The following ETF1 variants were observed in gnomAD, a reference collection of about 807,000 sequenced individuals.
ETF1 encodes the protein eukaryotic peptide chain release factor subunit 1.
Under a neutral mutation model 55.1 loss-of-function variants are expected in ETF1, and 4 were observed. The ratio of observed to expected loss-of-function variants is 0.07; its 90% confidence interval spans 0.04 to 0.17. ETF1 has a LOEUF of 0.17. ETF1 is among the 10% of genes least tolerant of loss of function. The probability of loss-of-function intolerance (pLI) is 1.00; values close to 1 mark genes in which losing one functional copy is unlikely to be tolerated. For synonymous variants in ETF1, 157 were observed against 182.3 expected (o/e 0.86, Z 1.12); for missense variants, 142 against 523.6 (o/e 0.27, Z 7.11).
At chr5:138,532,649 A>AT (rs1221595041) in intron 2 of ETF1, among the ~76,000 whole-genome samples, 1 of 152,204 alleles carries the variant, frequency 6.6e-6, no homozygotes, top group Non-Finnish European at 1.5e-5. Flanking sequence ...GTATGAGCTG[A>AT]TTTTTTGTAG....
chr5:138,518,876 G>T lies in ETF1; in HGVS notation c.87-9C>A, dbSNP rs1431065268. 6.2e-7 allele frequency: 1 copy of T among 1,612,742 alleles called. No individual in the cohort carries two copies. Among genetic ancestry groups the T allele is most frequent in the East Asian group, 2.2e-5 (1 of 44,834 alleles). On this transcript the variant is annotated splice_polypyrimidine_tract_variant and intron_variant, in intron 2 of 10. Coordinates refer to ENST00000360541, the MANE Select transcript of ETF1 (RefSeq NM_004730.4). Reference sequence around the variant, plus strand: ...TCATGCTGGTGCCATTGCTGTGGAAGAAAGAATAACTCATTAGGGATTTAA... The same window carrying T: ...TCATGCTGGTGCCATTGCTGTGGAATAAAGAATAACTCATTAGGGATTTAA...
At position 138,508,240 on chromosome 5, in the gene ETF1, TGGG is replaced by T; in HGVS notation, c.*62_*64del. The T allele has an allele frequency of 6.4e-7, 1 of 1,555,232 alleles. No homozygotes were observed. Among genetic ancestry groups the T allele is most frequent in the Non-Finnish European group, 8.8e-7 (1 of 1,142,014 alleles). On this transcript the variant is annotated 3_prime_UTR_variant, in exon 11 of 11. Coordinates refer to ENST00000360541, the MANE Select transcript of ETF1 (RefSeq NM_004730.4). Reference sequence around the variant, plus strand: ...GCAGGGATCTGTTTGGATTCCACCATGGGTATGCTCCTTGGGTTGGATGCTGGA... The same window carrying T: ...GCAGGGATCTGTTTGGATTCCACCATTATGCTCCTTGGGTTGGATGCTGGA...
intron 7 of ETF1, 82 bp downstream of exon 7, chr5:138,511,393 C>CACAT: frequency 1.4e-6 from 2 of 1,414,298 alleles, no homozygotes; most frequent in Admixed American, 2.2e-5. Flanking sequence ...CGTACATACA[C>CACAT]ACACACACAT....
At chr5:138,536,307 T>G (rs1429159774) in intron 2 of ETF1, among the ~76,000 whole-genome samples, 1 of 152,230 alleles carries the variant, frequency 6.6e-6, no homozygotes, top group Non-Finnish European at 1.5e-5. Flanking sequence ...CAGAGCTATC[T>G]GTATGATAAG....
chr5:138,542,997 G>A, intron 1 of ETF1, 61 bp from the exon 2 acceptor site: 2 of 1,491,178 alleles, frequency 1.3e-6, no homozygotes, highest in Non-Finnish European at 1.8e-6. Context: ...CGCCGCTGGG[G>A]CAGAGCGGCC....
chr5:138,539,943 C>A (rs1298055739), intron 2 of ETF1, among the ~76,000 whole-genome samples: 1 of 152,158 alleles, frequency 6.6e-6, no homozygotes, highest in Non-Finnish European at 1.5e-5. Flanking sequence ...GGTGGCAATA[C>A]TTGTGAGGAT....
chr5:138,527,548 T>C (rs1765524240), intron 2 of ETF1, among the ~76,000 whole-genome samples: 1 of 152,204 alleles, frequency 6.6e-6, no homozygotes. Context: ...AGAGAAAAGA[T>C]ACTTGCTTTG....
chr5:138,511,268 C>A, intron 7 of ETF1, 68 bp from the exon 8 acceptor site: 1 of 1,573,608 alleles, frequency 6.4e-7, no homozygotes, highest in Non-Finnish European at 8.6e-7. Flanking sequence ...CACACCTATT[C>A]GACCTAATGA....
rs1300186023 is a variant in ETF1, at chr5:138,506,460, T to G, written c.*1845A>C. The G allele has an allele frequency of 6.6e-6, 1 of 152,668 alleles. No individual in the cohort carries two copies. Among genetic ancestry groups the G allele is most frequent in the Non-Finnish European group, 1.5e-5 (1 of 68,036 alleles). 9.5% of individuals were successfully genotyped at this position (152,668 alleles called of 1,614,324 possible). A position where few individuals can be genotyped will look rare whatever the true frequency, so the allele number is the denominator to read the frequency against. On this transcript the variant is annotated 3_prime_UTR_variant, in exon 11 of 11. Transcript: ENST00000360541. Reference sequence around the variant, plus strand: ...AATTTACATCCAATTTCTCTGGTCTTGTCATATCACATCAGACCCATTTAC... The same window carrying G: ...AATTTACATCCAATTTCTCTGGTCTGGTCATATCACATCAGACCCATTTAC...
intron 9 of ETF1, among the ~76,000 whole-genome samples, chr5:138,509,436 CTACT>C (rs1377225865): frequency 6.6e-6 from 1 of 152,114 alleles, no homozygotes; most frequent in Non-Finnish European, 1.5e-5. Context: ...GATTGCTTAA[CTACT>C]TAAAAACAAA....
intron 10 of ETF1, 67 bp from the exon 11 acceptor site, chr5:138,508,454 TA>T: frequency 6.3e-7 from 1 of 1,597,714 alleles, no homozygotes; most frequent in Admixed American, 1.8e-5. Flanking sequence ...AGGTGGCTGG[TA>T]AGGGAATAAG....
intron 6 of ETF1, chr5:138,511,818 C>A: frequency 1.0e-6 from 1 of 983,446 alleles, no homozygotes; most frequent in Non-Finnish European, 1.2e-6. Context: ...ATTAGACCTA[C>A]TATAGGACAA....
At chr5:138,532,349 G>T (rs1765736519) in intron 2 of ETF1, among the ~76,000 whole-genome samples, 1 of 152,168 alleles carries the variant, frequency 6.6e-6, no homozygotes, top group Admixed American at 6.5e-5. Flanking sequence ...TCACTTAATG[G>T]CCGTGTGACC....
At chr5:138,535,718 CAA>C (rs1160282241) in intron 2 of ETF1, among the ~76,000 whole-genome samples, 2 of 116,712 alleles carry the variant, frequency 1.7e-5, no homozygotes, top group Non-Finnish European at 1.8e-5. Flanking sequence ...AAGACCGTCT[CAA>C]AAAAAAAAAA....
rs1465967258 is a variant in ETF1 at position 138,507,900 on chromosome 5, CA to C, written c.*404del. 1 of 161,186 alleles carries C rather than the reference CA, an allele frequency of 6.2e-6. No individual in the cohort carries two copies. The highest frequency in any genetic ancestry group is 1.4e-5 in the Non-Finnish European group (1 of 73,756). 10.0% of individuals were successfully genotyped at this position (161,186 alleles called of 1,614,324 possible). ...ATTTTTCTCCAATCAAAATAAGAAA[CA>C]AACCAGTATGATCTCACTTCTATTA... On this transcript the variant is annotated 3_prime_UTR_variant, in exon 11 of 11. Transcript: ENST00000360541.
intron 2 of ETF1, among the ~76,000 whole-genome samples, chr5:138,523,305 T>A (rs1314275231): frequency 1.3e-5 from 2 of 152,004 alleles, no homozygotes; most frequent in African/African-American, 4.8e-5. Context: ...AGGCGGAGGT[T>A]GCAATGAGCC....
At chr5:138,525,624 T>C (rs2127101676) in intron 2 of ETF1, among the ~76,000 whole-genome samples, 1 of 152,216 alleles carries the variant, frequency 6.6e-6, no homozygotes, top group East Asian at 1.9e-4. Context: ...AAGGCTGATC[T>C]GATATGAACC....
At chr5:138,520,204 CA>C (rs1765177677) in intron 2 of ETF1, among the ~76,000 whole-genome samples, 1 of 145,972 alleles carries the variant, frequency 6.9e-6, no homozygotes, top group Non-Finnish European at 1.5e-5. Flanking sequence ...TCTACATTAA[CA>C]AAGAAAAAAC....
intron 2 of ETF1, among the ~76,000 whole-genome samples, chr5:138,522,404 A>T (rs1334145571): frequency 6.6e-6 from 1 of 152,160 alleles, no homozygotes; most frequent in Admixed American, 6.5e-5. Flanking sequence ...TGCTGTTGGG[A>T]ATGTTAAGTG....
Sources: allele counts gnomAD v4.1 joint callset (sites outside exome capture counted in the v4.1 genomes callset), GRCh38; gene constraint gnomAD v4.1.1; transcripts MANE v1.5; gene names NCBI Gene and HGNC (gene_info 2026-07-23, HGNC 2026-07-21).